TRIP11: variants seen among roughly 807,000 people sequenced by gnomAD.
The protein encoded by TRIP11 is thyroid receptor-interacting protein 11.
Under a neutral mutation model 223.1 loss-of-function variants are expected in TRIP11, and 148 were observed. The ratio of observed to expected loss-of-function variants is 0.66; its 90% CI spans 0.58 to 0.76. The LOEUF (loss-of-function observed/expected upper bound fraction) is 0.76, where lower values mean the gene tolerates loss of function less well. TRIP11 is among the 30% of genes least tolerant of loss of function. The probability of loss-of-function intolerance (pLI) is 0.00; values close to 1 mark genes in which losing one functional copy is unlikely to be tolerated. For synonymous variants in TRIP11, 762 were observed against 772.6 expected (o/e 0.99, Z 0.23); for missense variants, 2,043 against 2,222.0 (o/e 0.92, Z 1.62).
rs541469648 is a variant in TRIP11 at position 91,973,992 on chromosome 14, C to T, written c.5574+635G>A. On this transcript the variant is annotated intron_variant, in intron 19 of 20. Transcript: ENST00000267622. ...GCAGTGAGCCAAGATCGCACCACTG[C>T]ACTCCAGCCTGGGCGACAGAGCGAG... Among the ~76,000 whole-genome samples, 12 of 152,350 alleles carry T rather than the reference C, an allele frequency of 7.9e-5. No homozygotes were observed. The South Asian group carries it at 2.5e-3, about 32-fold the overall frequency.
At position 91,978,479 on chromosome 14, in the gene TRIP11, G is replaced by A. The variant is rs1019442053; in HGVS notation, c.5261-2290C>T. On this transcript the variant is annotated intron_variant, in intron 16 of 20. Transcript: ENST00000267622. This position sits in a 1 kb window ranked among gnomAD's most constrained non-coding sequence, Gnocchi z 4.4. ...GATTACATGTCTATATAATAATTTG[G>A]TTATACTGGGTTATATATAAAATAT... is the stretch of plus-strand genomic sequence containing the variant. 2.6e-5 allele frequency among the ~76,000 whole-genome samples: 4 copies of A among 151,890 alleles called. No individual in the cohort carries two copies. The highest frequency in any genetic ancestry group is 4.4e-5 in the Non-Finnish European group (3 of 67,988).
intron 2 of TRIP11, among the ~76,000 whole-genome samples, chr14:92,028,977 A>T (rs2057224786): frequency 6.6e-6 from 1 of 152,220 alleles, no homozygotes. Context: ...TCTACCAACA[A>T]AGAGAAAATT....
chr14:91,972,309 C>T (rs1234905344), intron 20 of TRIP11, among the ~76,000 whole-genome samples: 1 of 152,060 alleles, frequency 6.6e-6, no homozygotes, highest in Non-Finnish European at 1.5e-5. Context: ...AGGAGAAAAA[C>T]CCTTCTCAAA....
At chr14:91,995,598 T>C (rs2056740441) in intron 13 of TRIP11, 83 bp from the exon 14 acceptor site, 2 of 1,360,606 alleles carry the variant, frequency 1.5e-6, no homozygotes, top group Non-Finnish European at 2.0e-6. Context: ...CTACATCTTA[T>C]TACTTTATTT....
At chr14:91,996,003 T>TA (rs1201208367) in intron 13 of TRIP11, among the ~76,000 whole-genome samples, 1 of 152,194 alleles carries the variant, frequency 6.6e-6, no homozygotes, top group East Asian at 1.9e-4. Context: ...TATGGTAAAA[T>TA]ATACATAAAA....
chr14:92,035,299 C>T (rs1291634413), intron 1 of TRIP11, among the ~76,000 whole-genome samples: 2 of 150,974 alleles, frequency 1.3e-5, no homozygotes, highest in Non-Finnish European at 2.9e-5. Context: ...CCAGCCTGGG[C>T]GACAGAGCAA....
At position 91,978,491 on chromosome 14, in the gene TRIP11, T is replaced by A. The variant is rs1257641159; in HGVS notation, c.5261-2302A>T. Among the ~76,000 whole-genome samples, 5 of 152,170 alleles carry A rather than the reference T, an allele frequency of 3.3e-5. No homozygotes were observed. Among genetic ancestry groups the A allele is most frequent in the Admixed American group, 6.5e-5 (1 of 15,268 alleles). On this transcript the variant is annotated intron_variant, in intron 16 of 20. Transcript: ENST00000267622. The surrounding 1 kb of genome is among the most constrained non-coding windows in gnomAD (Gnocchi z 4.4). ...ATATAATAATTTGGTTATACTGGGTTATATATAAAATATATATGTGTGTAT... is the reference window on the plus strand; with the variant it reads ...ATATAATAATTTGGTTATACTGGGTAATATATAAAATATATATGTGTGTAT...
At chr14:92,026,484 C>T (rs2057188575) in intron 2 of TRIP11, 4 of 860,034 alleles carry the variant, frequency 4.7e-6, no homozygotes, top group African/African-American at 3.3e-5. Flanking sequence ...TTGCTCGCCG[C>T]AGCCGGCAGC....
At chr14:92,034,859 C>T (rs886626531) in intron 1 of TRIP11, among the ~76,000 whole-genome samples, 3 of 152,184 alleles carry the variant, frequency 2.0e-5, no homozygotes, top group African/African-American at 7.2e-5. Flanking sequence ...GTCTCGAACT[C>T]CTAGCCTTAG....
intron 9 of TRIP11, among the ~76,000 whole-genome samples, chr14:92,009,207 G>GT (rs1337579113): frequency 4.6e-5 from 7 of 152,176 alleles, no homozygotes; most frequent in African/African-American, 1.4e-4. Flanking sequence ...ATTATTTAGT[G>GT]TTTTTTTGTA....
At chr14:92,008,421 A>G (rs1278350679) in intron 9 of TRIP11, among the ~76,000 whole-genome samples, 1 of 152,196 alleles carries the variant, frequency 6.6e-6, no homozygotes, top group African/African-American at 2.4e-5. Flanking sequence ...TAGAACATGG[A>G]ACTTTTTCTT....
intron 2 of TRIP11, among the ~76,000 whole-genome samples, chr14:92,029,355 G>A (rs2057234053): frequency 7.9e-6 from 1 of 127,086 alleles, no homozygotes; most frequent in Non-Finnish European, 1.5e-5. Context: ...GAGTTTACTG[G>A]CACAATCTCG....
chr14:91,968,498 G>C lies in TRIP11; in HGVS notation c.*1175C>G, dbSNP rs1439636951. ...CTCATATGTCAACACCGCAGACGGA[G>C]GCAGGAAGTGGCATGTTCAGTGATT... On this transcript the variant is annotated 3_prime_UTR_variant, in exon 21 of 21. Coordinates refer to ENST00000267622, the MANE Select transcript of TRIP11 (RefSeq NM_004239.4). The C allele has an allele frequency of 1.1e-4, 24 of 216,366 alleles. No individual in the cohort carries two copies. In the East Asian group the frequency reaches 1.6e-3, roughly 15 times the overall value. 13.4% of individuals were successfully genotyped at this position (216,366 alleles called of 1,614,324 possible). A position where few individuals can be genotyped will look rare whatever the true frequency, so the allele number is the denominator to read the frequency against.
At position 91,972,799 on chromosome 14, in the gene TRIP11, TGGTG is replaced by T; in HGVS notation, c.5633_5636del (p.Pro1878GlnfsTer8). The T allele has an allele frequency of 6.2e-7, 1 of 1,613,378 alleles. No homozygotes were observed. Among genetic ancestry groups the T allele is most frequent in the Non-Finnish European group, 8.5e-7 (1 of 1,179,654 alleles). On this transcript the variant is annotated frameshift_variant, in exon 20 of 21. Coordinates refer to ENST00000267622, the MANE Select transcript of TRIP11 (RefSeq NM_004239.4). LOFTEE classifies it high-confidence loss of function. ...GTTTCATATCATGAACAGAAAGCTT[TGGTG>T]GTGGAATGGATGGATGAGATTCTGT...
chr14:91,996,948 A>G (rs2056758716), intron 13 of TRIP11, among the ~76,000 whole-genome samples: 1 of 152,212 alleles, frequency 6.6e-6, no homozygotes, highest in Non-Finnish European at 1.5e-5. Context: ...AAATACTGCA[A>G]TAGTCTCCCA....
At chr14:92,030,004 C>T (rs553165913) in intron 2 of TRIP11, among the ~76,000 whole-genome samples, 2 of 151,630 alleles carry the variant, frequency 1.3e-5, no homozygotes, top group African/African-American at 2.4e-5. Context: ...GAGACCATCC[C>T]GGCTAAAACG....
rs373850857 is a variant in TRIP11, at chr14:91,967,925, C to T, written c.*1748G>A. 5.5e-5 allele frequency: 11 copies of T among 200,770 alleles called. No individual in the cohort carries two copies. The highest frequency in any genetic ancestry group is 4.8e-4 in the Admixed American group (8 of 16,720). The allele number at this position is 200,770 out of a possible 1,614,324, so 12.4% of individuals were successfully genotyped here. ...GCAGTTTGACAGTTCTAATATAGAA[C>T]TTGCATGACAACTTCCTTTAAAGTA... On this transcript the variant is annotated 3_prime_UTR_variant, in exon 21 of 21. Coordinates refer to ENST00000267622, the MANE Select transcript of TRIP11 (RefSeq NM_004239.4).
intron 12 of TRIP11, among the ~76,000 whole-genome samples, 193 bp from the exon 13 acceptor site, chr14:91,999,626 C>T (rs2056796157): frequency 6.6e-6 from 1 of 152,064 alleles, no homozygotes; most frequent in South Asian, 2.1e-4. Flanking sequence ...GCTTTACTTC[C>T]CAGAATCTTA....
intron 3 of TRIP11, 38 bp from the exon 4 acceptor site, chr14:92,021,869 T>TAA (rs763256638): frequency 8.1e-6 from 13 of 1,601,352 alleles, no homozygotes; most frequent in Non-Finnish European, 1.1e-5. Context: ...GAAGGTACTT[T>TAA]AAAACAATCA....
Sources: allele counts gnomAD v4.1 joint callset (sites outside exome capture counted in the v4.1 genomes callset), GRCh38; gene constraint gnomAD v4.1.1; non-coding constraint Gnocchi (gnomAD v3.1); transcripts MANE v1.5; gene names NCBI Gene and HGNC (gene_info 2026-07-23, HGNC 2026-07-21).